Variants in PLD1 observed in about 807,000 individuals in gnomAD.
PLD1 encodes choline phosphatase 1.
In PLD1, 112 loss-of-function variants were observed where a neutral mutation model predicts 137.1. The observed-to-expected ratio is 0.82, with a 90% CI of 0.70 to 0.96. PLD1 has a LOEUF of 0.96. Among genes scored for constraint, PLD1 ranks in the 40% least tolerant of loss-of-function variants. The pLI, the probability that PLD1 is intolerant of heterozygous loss-of-function variation, is 0.00. For missense variants in PLD1, 1,321 were observed against 1,342.0 expected (o/e 0.98, Z 0.24); for synonymous variants, 431 against 454.7 (o/e 0.95, Z 0.66).
intron 21 of PLD1, among the ~76,000 whole-genome samples, chr3:171,658,290 T>C (rs747146781): frequency 1.6e-4 from 25 of 152,276 alleles, no homozygotes; most frequent in Non-Finnish European, 2.8e-4. Flanking sequence ...TAGAGTTAGC[T>C]ATAACCTGAC....
In PLD1 at chr3:171,687,310, T is replaced by C; in HGVS notation, c.1753+61A>G. On this transcript the variant is annotated intron_variant, in intron 15 of 26. Transcript: ENST00000351298. ...ACAGATTTTAAAAACAGGTATGTAG[T>C]GTCTGGCTATGGAAGAACAGTGGGT... 1.6e-5 allele frequency: 22 copies of C among 1,336,812 alleles called. No individual in the cohort carries two copies. In the South Asian group the frequency reaches 2.3e-4, roughly 14 times the overall value. 82.8% of individuals were successfully genotyped at this position (1,336,812 alleles called of 1,614,324 possible).
At chr3:171,611,817 C>T (rs144464074) in intron 25 of PLD1, among the ~76,000 whole-genome samples, 76 of 152,262 alleles carry the variant, frequency 5.0e-4, no homozygotes, top group African/African-American at 1.5e-3. Flanking sequence ...AATTGGCTCA[C>T]GTCTGTAATC....
At chr3:171,619,063 A>G (rs779703013) in intron 24 of PLD1, among the ~76,000 whole-genome samples, 6 of 152,168 alleles carry the variant, frequency 3.9e-5, no homozygotes, top group Admixed American at 6.5e-5. Flanking sequence ...CATGACATTT[A>G]GTTTCTTGAA....
intron 1 of PLD1, among the ~76,000 whole-genome samples, chr3:171,746,943 G>T (rs1462564436): frequency 6.6e-6 from 1 of 152,190 alleles, no homozygotes; most frequent in Non-Finnish European, 1.5e-5. Flanking sequence ...TAGGCTTTGG[G>T]TCTGCACTGC....
chr3:171,691,398 A>G (rs1307562479), intron 13 of PLD1, among the ~76,000 whole-genome samples: 2 of 149,764 alleles, frequency 1.3e-5, no homozygotes, highest in Admixed American at 6.8e-5. Flanking sequence ...TTCCTGCATT[A>G]CTGTCTTGTT....
At chr3:171,775,641 A>G (rs1447876512) in intron 1 of PLD1, among the ~76,000 whole-genome samples, 1 of 152,114 alleles carries the variant, frequency 6.6e-6, no homozygotes, top group Non-Finnish European at 1.5e-5. Flanking sequence ...TCAGGGGTTC[A>G]AGACCAGCCT....
Position 171,724,754 on chromosome 3 carries a change from T to C in PLD1, c.700A>G (p.Arg234Gly), listed in dbSNP as rs1479320110. 6.2e-7 allele frequency: 1 copy of C among 1,610,684 alleles called. No homozygotes were observed. The highest frequency in any genetic ancestry group is 1.3e-5 in the African/African-American group (1 of 75,040). Residue 234 changes from arginine (R) to glycine (G), a missense_variant, in exon 8 of 27, where the codon AGA (arginine) becomes GGA (glycine). Physicochemically the swap from Arg to Gly is moderately radical, Grantham distance 125. Transcript: ENST00000351298. ...CCACAGCAATTCAAGCCTGGTATTC[T>C]GTGTCCTCCAGATCTTTTCATTATC... ...GMIMKRSGGH[R>G]IPGLNCCGQG...
Position 171,709,638 on chromosome 3 carries a change from T to C in PLD1, c.983A>G (p.Gln328Arg), listed in dbSNP as rs1716986395. ...TTTGAGAAAGTTGGTGCCATGTTTCTGGATGAATTCTTCTATAGCCCCTCC... is the reference window on the plus strand; with the variant it reads ...TTTGAGAAAGTTGGTGCCATGTTTCCGGATGAATTCTTCTATAGCCCCTCC... ...WWGGAIEEFI[Q>R]KHGTNFLKDH... Residue 328 changes from glutamine (Q) to arginine (R), a missense_variant, in exon 10 of 27, where the codon CAG becomes CGG. Gln to Arg is a conservative substitution (Grantham distance 43). Coordinates refer to ENST00000351298, the MANE Select transcript of PLD1 (RefSeq NM_002662.5). The C allele has an allele frequency of 3.7e-6, 6 of 1,613,954 alleles. No homozygotes were observed. Among genetic ancestry groups the C allele is most frequent in the Non-Finnish European group, 5.1e-6 (6 of 1,179,906 alleles).
intron 12 of PLD1, among the ~76,000 whole-genome samples, chr3:171,698,088 C>T (rs1346064549): frequency 6.6e-6 from 1 of 152,112 alleles, no homozygotes; most frequent in African/African-American, 2.4e-5. Flanking sequence ...GGAAAAGATG[C>T]CATTTCATTG....
chr3:171,722,192 A>G (rs1015342082), intron 8 of PLD1, among the ~76,000 whole-genome samples: 3 of 152,224 alleles, frequency 2.0e-5, no homozygotes. Flanking sequence ...TAAGAATCAG[A>G]TGAGAATATT....
At chr3:171,674,308 G>A (rs1370322911) in intron 19 of PLD1, among the ~76,000 whole-genome samples, 192 bp downstream of exon 19, 1 of 152,174 alleles carries the variant, frequency 6.6e-6, no homozygotes, top group Non-Finnish European at 1.5e-5. Flanking sequence ...ATTTATAAGA[G>A]TTTTAAAAAG....
At chr3:171,705,605 GA>G (rs1465129456) in intron 11 of PLD1, among the ~76,000 whole-genome samples, 5 of 152,174 alleles carry the variant, frequency 3.3e-5, no homozygotes, top group Non-Finnish European at 7.4e-5. Context: ...AATAGCACAT[GA>G]AAATTTGCTC....
intron 1 of PLD1, among the ~76,000 whole-genome samples, chr3:171,772,636 A>C (rs1260854697): frequency 6.6e-6 from 1 of 152,180 alleles, no homozygotes; most frequent in East Asian, 1.9e-4. Context: ...AAAAGGAGCT[A>C]GTACCCCACC....
intron 16 of PLD1, among the ~76,000 whole-genome samples, chr3:171,680,873 T>C (rs1713904013): frequency 6.6e-6 from 1 of 152,176 alleles, no homozygotes; most frequent in Admixed American, 6.5e-5. Flanking sequence ...GTTTCTCCCA[T>C]TTACTTCGTT....
chr3:171,627,427 C>G (rs1304999453), intron 23 of PLD1, among the ~76,000 whole-genome samples: 1 of 152,040 alleles, frequency 6.6e-6, no homozygotes, highest in East Asian at 1.9e-4. Flanking sequence ...TTTAACACCC[C>G]CTGTCAACAT....
chr3:171,802,879 C>T (rs1455556953), intron 1 of PLD1, among the ~76,000 whole-genome samples: 4 of 152,166 alleles, frequency 2.6e-5, no homozygotes, highest in Non-Finnish European at 4.4e-5. Context: ...CCCAGATGAC[C>T]TGATTCTAAG....
Position 171,724,501 on chromosome 3 carries a change from C to T in PLD1, c.758+195G>A, listed in dbSNP as rs73879818. 0.5 allele frequency among the ~76,000 whole-genome samples: 76,040 copies of T among 152,004 alleles called. 19,838 individuals carry two copies. The highest frequency in any genetic ancestry group is 0.64 in the African/African-American group (26,658 of 41,440). On this transcript the variant is annotated intron_variant, in intron 8 of 26. Transcript: ENST00000351298. ...GTCCTTGGGTTTTCATGAATATAAT[C>T]TGTACACTTTGCCTACAAGTTCAGC...
At chr3:171,801,840 C>G (rs1723660953) in intron 1 of PLD1, among the ~76,000 whole-genome samples, 1 of 152,228 alleles carries the variant, frequency 6.6e-6, no homozygotes, top group African/African-American at 2.4e-5. Context: ...TTCCCCAAAT[C>G]AGTCTCATTT....
chr3:171,727,290 T>G (rs980411697), intron 6 of PLD1, among the ~76,000 whole-genome samples: 2 of 152,212 alleles, frequency 1.3e-5, no homozygotes, highest in African/African-American at 2.4e-5. Context: ...TATGGTTAAC[T>G]CATTATGAAG....
Sources: gnomAD v4.1 joint callset for allele counts (sites outside exome capture counted in the v4.1 genomes callset) on GRCh38, gnomAD v4.1.1 for gene constraint, MANE v1.5 for transcripts, NCBI Gene and HGNC (gene_info 2026-07-23, HGNC 2026-07-21) for gene names.